Variants in PASD1 observed in about 807,000 individuals in gnomAD.
The protein encoded by PASD1 is circadian clock protein PASD1.
PASD1 carries 13 observed loss-of-function variants against 58.8 expected under a neutral mutation model. The ratio of observed to expected loss-of-function variants is 0.22; its 90% confidence interval spans 0.14 to 0.35. The LOEUF (loss-of-function observed/expected upper bound fraction) is 0.35, where lower values mean the gene tolerates loss of function less well. PASD1 is among the 10% of genes least tolerant of loss of function. The pLI, the probability that PASD1 is intolerant of heterozygous loss-of-function variation, is 1.00. For synonymous variants in PASD1, 236 were observed against 216.7 expected (o/e 1.09, Z -0.78); for missense variants, 734 against 568.3 (o/e 1.29, Z -2.96).
chrX:151,605,812 G>A (rs1326444542), intron 3 of PASD1, among the ~76,000 whole-genome samples: 1 of 111,212 alleles, frequency 9.0e-6, no homozygotes, highest in Non-Finnish European at 1.9e-5. Context: ...GGTCTCCCAA[G>A]CTCCTGGGCT....
chrX:151,641,897 A>G (rs1431267487), intron 8 of PASD1, among the ~76,000 whole-genome samples: 1 of 112,035 alleles, frequency 8.9e-6, no homozygotes, highest in Non-Finnish European at 1.9e-5. Context: ...CCCTGAAGTA[A>G]TAAATTACTC....
At chrX:151,596,627 G>A (rs2013325195) in intron 1 of PASD1, among the ~76,000 whole-genome samples, 1 of 112,229 alleles carries the variant, frequency 8.9e-6, no homozygotes, top group African/African-American at 3.2e-5. Flanking sequence ...TGGTATGTAG[G>A]AACAAATTAA....
chrX:151,639,017 A>G (rs1038905420), intron 8 of PASD1, among the ~76,000 whole-genome samples: 1 of 111,762 alleles, frequency 8.9e-6, no homozygotes, highest in Non-Finnish European at 1.9e-5. Flanking sequence ...CTCCTTTTGT[A>G]TGGTCTGTAA....
Position 151,622,847 on chromosome X carries a change from T to TA in PASD1, c.419-89dup, listed in dbSNP as rs750206738. Reference sequence around the variant, plus strand: ...AGAATTTTGAAAATTGTCAATGGGTTAGCAAACAGCACATGGATGTGTCAG... The same window carrying TA: ...AGAATTTTGAAAATTGTCAATGGGTTAAGCAAACAGCACATGGATGTGTCAG... On this transcript the variant is annotated intron_variant, in intron 6 of 15. Transcript: ENST00000370357. 37 of 980,830 alleles carry TA rather than the reference T, an allele frequency of 3.8e-5. No homozygotes were observed. The East Asian group carries it at 1.1e-3, about 30-fold the overall frequency. The allele number at this position is 980,830 out of a possible 1,213,427, so 80.8% of individuals were successfully genotyped here.
chrX:151,649,754 A>G (rs971171753), intron 9 of PASD1, among the ~76,000 whole-genome samples: 1 of 112,010 alleles, frequency 8.9e-6, no homozygotes. Flanking sequence ...TATTTGGTAA[A>G]GGGATTTCAA....
intron 11 of PASD1, 29 bp downstream of exon 11, chrX:151,664,377 T>G: frequency 8.3e-7 from 1 of 1,205,435 alleles, no homozygotes; most frequent in Non-Finnish European, 1.1e-6. Flanking sequence ...TTCACTCGCT[T>G]CACGTTTGTC....
chrX:151,618,703 G>C (rs1051165921), intron 4 of PASD1, among the ~76,000 whole-genome samples: 29 of 112,057 alleles, frequency 2.6e-4, no homozygotes, highest in African/African-American at 9.1e-4. Context: ...CCTGTATTAA[G>C]TGAGAGAGAA....
At chrX:151,639,227 G>T (rs1044110416) in intron 8 of PASD1, among the ~76,000 whole-genome samples, 6 of 112,104 alleles carry the variant, frequency 5.4e-5, no homozygotes, top group African/African-American at 1.9e-4. Context: ...GCCTTATATT[G>T]GTTCCCCTAA....
intron 1 of PASD1, among the ~76,000 whole-genome samples, chrX:151,577,955 T>G (rs998565511): frequency 4.5e-5 from 5 of 112,270 alleles, no homozygotes; most frequent in African/African-American, 1.6e-4. Flanking sequence ...ACCACATTCA[T>G]CTTTCCCTGG....
intron 8 of PASD1, among the ~76,000 whole-genome samples, chrX:151,634,529 G>A (rs771518561): frequency 1.5e-4 from 17 of 110,423 alleles, no homozygotes; most frequent in Middle Eastern, 4.8e-3. Context: ...TTAGGATCAC[G>A]ATTACATTTA....
At chrX:151,572,379 T>G (rs183158041) in intron 1 of PASD1, among the ~76,000 whole-genome samples, 102 of 111,542 alleles carry the variant, frequency 9.1e-4, no homozygotes, top group Middle Eastern at 4.6e-3. Context: ...GAAATCACTG[T>G]AGATAACTTG....
intron 2 of PASD1, among the ~76,000 whole-genome samples, chrX:151,602,112 A>G (rs1196549169): frequency 8.9e-6 from 1 of 111,839 alleles, no homozygotes; most frequent in Admixed American, 9.5e-5. Context: ...TACCTCACAT[A>G]CTTAACTTTT....
chrX:151,625,572 C>A (rs1443794284), intron 8 of PASD1, 42 bp downstream of exon 8: 4 of 990,517 alleles, frequency 4.0e-6, no homozygotes, highest in Non-Finnish European at 5.6e-6. Context: ...ATCTAGAATT[C>A]AATTTTACTA....
chrX:151,668,604 C>G (rs1016387101), intron 11 of PASD1, among the ~76,000 whole-genome samples: 3 of 111,416 alleles, frequency 2.7e-5, no homozygotes, highest in African/African-American at 9.8e-5. Context: ...ACTAGAAAAT[C>G]TAGAAGAAAT....
At chrX:151,581,910 A>G (rs1409150036) in intron 1 of PASD1, among the ~76,000 whole-genome samples, 2 of 110,046 alleles carry the variant, frequency 1.8e-5, no homozygotes, top group Admixed American at 1.9e-4. Flanking sequence ...AAGAGTAGAC[A>G]GGAAAATTTC....
intron 1 of PASD1, among the ~76,000 whole-genome samples, chrX:151,571,472 ATCT>A (rs1317156124): frequency 5.4e-5 from 6 of 110,756 alleles, no homozygotes; most frequent in African/African-American, 1.6e-4. Flanking sequence ...CCAAGGTCTT[ATCT>A]TCTTTTCCTC....
chrX:151,641,524 A>G (rs2124290015), intron 8 of PASD1, among the ~76,000 whole-genome samples: 2 of 111,727 alleles, frequency 1.8e-5, no homozygotes, highest in South Asian at 3.8e-4. Flanking sequence ...TATCAGTTAT[A>G]TATATGTTAA....
intron 1 of PASD1, among the ~76,000 whole-genome samples, chrX:151,586,529 G>A (rs773866228): frequency 9.0e-6 from 1 of 111,496 alleles, no homozygotes; most frequent in Non-Finnish European, 1.9e-5. Flanking sequence ...TATCGAACAG[G>A]GCTGTTGTAA....
intron 1 of PASD1, among the ~76,000 whole-genome samples, 192 bp from the exon 2 acceptor site, chrX:151,601,335 A>G (rs989441860): frequency 3.6e-5 from 4 of 112,546 alleles, no homozygotes; most frequent in Non-Finnish European, 7.5e-5. Flanking sequence ...TTATGCAATA[A>G]AGCAAGTCTT....
Sources: allele counts gnomAD v4.1 joint callset (sites outside exome capture counted in the v4.1 genomes callset), GRCh38; gene constraint gnomAD v4.1.1; transcripts MANE v1.5; gene names NCBI Gene and HGNC (gene_info 2026-07-23, HGNC 2026-07-21).